The following ALPL variants were observed in gnomAD, a reference collection of about 807,000 sequenced individuals.
ALPL encodes the protein alkaline phosphatase, biomineralization associated.
ALPL carries 42 observed loss-of-function variants against 51.3 expected under a neutral mutation model. The ratio of observed to expected loss-of-function variants is 0.82; its 90% confidence interval spans 0.64 to 1.06. The LOEUF (loss-of-function observed/expected upper bound fraction) is 1.06. ALPL is among the 50% of genes least tolerant of loss of function. The probability of loss-of-function intolerance (pLI) is 0.00; values close to 1 mark genes in which losing one functional copy is unlikely to be tolerated. For synonymous variants in ALPL, 279 were observed against 296.4 expected (o/e 0.94, Z 0.60); for missense variants, 589 against 709.4 (o/e 0.83, Z 1.93).
chr1:21,570,330 C>G lies in ALPL; in HGVS notation c.818C>G (p.Thr273Arg), dbSNP rs148405563. ...CACTCCCACTTCATCTGGAACCGCA[C>G]GGAACTCCTGACCCTTGACCCCCAC... Reference protein sequence around the residue: ...YKHSHFIWNRTELLTLDPHNV... With the variant: ...YKHSHFIWNRRELLTLDPHNV... Residue 273 changes from threonine (T) to arginine (R), a missense_variant, in exon 8 of 12, where the codon ACG (threonine) becomes AGG (arginine). Thr to Arg is a moderately conservative substitution (Grantham distance 71). Transcript: ENST00000374840. The G allele has an allele frequency of 1.2e-6, 2 of 1,614,098 alleles. No homozygotes were observed. Among genetic ancestry groups the G allele is most frequent in the East Asian group, 2.2e-5 (1 of 44,870 alleles).
Position 21,568,114 on chromosome 1 carries a change from G to A in ALPL, c.659G>A (p.Gly220Glu). 2 of 1,614,112 alleles carry A rather than the reference G, an allele frequency of 1.2e-6. No individual in the cohort carries two copies. The highest frequency in any genetic ancestry group is 1.7e-6 in the Non-Finnish European group (2 of 1,180,034). The part of the protein sequence containing the change: ...HNIRDIDVIM[G>E]GGRKYMYPKN... ...TCCTGTCTCTTTTAGGTGATCATGG[G>A]GGGTGGCCGGAAATACATGTACCCC... Residue 220 changes from glycine (G) to glutamate (E), a missense_variant, in exon 7 of 12, where the codon GGG becomes GAG. Coordinates refer to ENST00000374840, the MANE Select transcript of ALPL (RefSeq NM_000478.6).
intron 1 of ALPL, among the ~76,000 whole-genome samples, chr1:21,552,460 C>A: frequency 7.9e-6 from 1 of 126,502 alleles, no homozygotes; most frequent in African/African-American, 3.0e-5. Context: ...GCCTGGGCAA[C>A]AAGAACAAAA....
At chr1:21,576,908 G>A (rs544742770) in intron 11 of ALPL, among the ~76,000 whole-genome samples, 85 of 152,268 alleles carry the variant, frequency 5.6e-4, no homozygotes, top group Non-Finnish European at 8.4e-4. Flanking sequence ...TACCTTTGAC[G>A]GTTGTCTGAA....
intron 2 of ALPL, 95 bp downstream of exon 2, chr1:21,554,237 A>G: frequency 1.6e-6 from 2 of 1,281,632 alleles, no homozygotes; most frequent in Non-Finnish European, 2.3e-6. Context: ...GAACCATCCA[A>G]AGTATTTAAG....
chr1:21,574,156 G>A (rs1045310830), intron 9 of ALPL: 2 of 985,344 alleles, frequency 2.0e-6, no homozygotes, highest in African/African-American at 1.7e-5. Context: ...GCTTTCCCAC[G>A]CTGTGTGCTG....
Position 21,550,830 on chromosome 1 carries a change from G to A in ALPL, c.-104-3148G>A, listed in dbSNP as rs370982037. Among the ~76,000 whole-genome samples the A allele has an allele frequency of 5.9e-5, 9 of 152,274 alleles. No individual in the cohort carries two copies. The East Asian group carries it at 1.7e-3, about 29-fold the overall frequency. On this transcript the variant is annotated intron_variant, in intron 1 of 11. Transcript: ENST00000374840. ...TCCTTTGCTCAAGCTTACCTTGTGC[G>A]ATTCATTCATGTTGTTGTGAGGAGC...
chr1:21,547,696 G>A (rs1644271206), intron 1 of ALPL, among the ~76,000 whole-genome samples: 2 of 152,220 alleles, frequency 1.3e-5, no homozygotes, highest in South Asian at 2.1e-4. Context: ...GTCAGCCTGG[G>A]CTTAAATGGC....
At chr1:21,532,184 AT>A (rs954210101) in intron 1 of ALPL, among the ~76,000 whole-genome samples, 9 of 150,456 alleles carry the variant, frequency 6.0e-5, no homozygotes, top group South Asian at 2.1e-4. Flanking sequence ...AAAGACCAAG[AT>A]TTTTTTTTTA....
At chr1:21,552,403 C>T (rs1644343189) in intron 1 of ALPL, among the ~76,000 whole-genome samples, 1 of 149,514 alleles carries the variant, frequency 6.7e-6, no homozygotes, top group African/African-American at 2.5e-5. Context: ...TGCTTGAACC[C>T]GGGGGGCGGA....
chr1:21,554,025 C>A lies in ALPL; in HGVS notation c.-57C>A. 7 of 1,229,132 alleles carry A rather than the reference C, an allele frequency of 5.7e-6. No homozygotes were observed. The highest frequency in any genetic ancestry group is 3.6e-5 in the South Asian group (3 of 83,634). The allele number at this position is 1,229,132 out of a possible 1,614,324, so 76.1% of individuals were successfully genotyped here. ...TGACCACTGCCAGCCCACCCCCTCC[C>A]ACCCACGTCGATTGCATCTCTGGGC... On this transcript the variant is annotated 5_prime_UTR_variant, in exon 2 of 12. Transcript: ENST00000374840.
intron 1 of ALPL, among the ~76,000 whole-genome samples, chr1:21,534,299 C>T (rs530895544): frequency 3.3e-5 from 5 of 152,200 alleles, no homozygotes; most frequent in African/African-American, 9.7e-5. Flanking sequence ...TCTGACTGTC[C>T]GCCCTTGGCC....
At chr1:21,545,551 A>G (rs753019331) in intron 1 of ALPL, among the ~76,000 whole-genome samples, 42 of 152,214 alleles carry the variant, frequency 2.8e-4, no homozygotes, top group African/African-American at 9.4e-4. Context: ...TCAGCCTCCC[A>G]AAGTGCTGGG....
intron 1 of ALPL, among the ~76,000 whole-genome samples, chr1:21,538,671 C>T (rs1644142691): frequency 6.6e-6 from 1 of 152,122 alleles, no homozygotes; most frequent in Non-Finnish European, 1.5e-5. Context: ...GGCCAATGCC[C>T]TGTCTTGAGG....
intron 1 of ALPL, among the ~76,000 whole-genome samples, chr1:21,525,996 C>T (rs747032151): frequency 5.3e-5 from 8 of 151,946 alleles, no homozygotes; most frequent in African/African-American, 7.2e-5. Context: ...CTCAAACAAA[C>T]GAACAAAAAG....
intron 1 of ALPL, among the ~76,000 whole-genome samples, chr1:21,527,015 G>GTTCTTTTCTTTTCTTTTCTTTTCTT (rs57296888): frequency 0.053 from 7,421 of 140,594 alleles, 726 homozygotes; most frequent in Admixed American, 0.07. Flanking sequence ...TGTTATTCTT[G>GTTCTTTTCTTTTCTTTTCTTTTCTT]TTCTTTTCTT....
chr1:21,565,756 A>C (rs949058515), intron 6 of ALPL, among the ~76,000 whole-genome samples: 2 of 151,524 alleles, frequency 1.3e-5, no homozygotes, highest in Admixed American at 6.6e-5. Flanking sequence ...ACCCCCCCAA[A>C]AGCCTCCCAG....
At chr1:21,573,231 C>T (rs1198628925) in intron 8 of ALPL, among the ~76,000 whole-genome samples, 1 of 152,052 alleles carries the variant, frequency 6.6e-6, no homozygotes, top group East Asian at 1.9e-4. Flanking sequence ...GTCAGGAGTT[C>T]GAGACCAGCC....
At chr1:21,531,080 A>C (rs1644023809) in intron 1 of ALPL, among the ~76,000 whole-genome samples, 1 of 150,198 alleles carries the variant, frequency 6.7e-6, no homozygotes, top group Admixed American at 6.7e-5. Context: ...CAGCCTCCCG[A>C]GTAGCTGGGA....
intron 2 of ALPL, among the ~76,000 whole-genome samples, chr1:21,555,794 A>G (rs944038410): frequency 3.3e-5 from 5 of 150,888 alleles, no homozygotes; most frequent in Admixed American, 6.6e-5. Context: ...TTTTTGAGAC[A>G]GTGTCTCTCT....
Sources: allele counts gnomAD v4.1 joint callset (sites outside exome capture counted in the v4.1 genomes callset), GRCh38; gene constraint gnomAD v4.1.1; transcripts MANE v1.5; gene names NCBI Gene and HGNC (gene_info 2026-07-23, HGNC 2026-07-21).